MOSMO: variants seen among roughly 807,000 people sequenced by gnomAD.
MOSMO encodes the protein modulator of smoothened.
A neutral mutation model predicts 18.4 loss-of-function variants in MOSMO; 5 were observed. That is an observed-to-expected ratio of 0.27 (90% CI 0.14 to 0.57). MOSMO has a LOEUF of 0.57. MOSMO is among the 20% of genes least tolerant of loss of function. The pLI is 0.92. For missense variants in MOSMO, 138 were observed against 211.8 expected, an observed-to-expected ratio of 0.65 and a Z score of 2.16; for synonymous variants, 82 against 82.3, an observed-to-expected ratio of 1.00 and a Z score of 0.02.
At chr16:22,089,867 C>A (rs955773544), downstream of MOSMO, among the ~76,000 whole-genome samples, 5 of 151,928 alleles carry the variant, frequency 3.3e-5, no homozygotes, top group Non-Finnish European at 7.4e-5. Flanking sequence ...GTTTCTACTC[C>A]CTCTGATTTT....
At chr16:22,035,661 C>T (rs1900093418) in intron 1 of MOSMO, among the ~76,000 whole-genome samples, 1 of 152,130 alleles carries the variant, frequency 6.6e-6, no homozygotes, top group Non-Finnish European at 1.5e-5. Flanking sequence ...TCCAATTTTG[C>T]AGGCAGCGGT....
At chr16:22,070,804 G>A (rs908079463) in intron 1 of MOSMO, among the ~76,000 whole-genome samples, 7 of 152,134 alleles carry the variant, frequency 4.6e-5, no homozygotes, top group Non-Finnish European at 4.4e-5. Context: ...TTACCCGTAG[G>A]CTGTTGTTTT....
chr16:22,035,660 GC>G (rs1349261075), intron 1 of MOSMO, among the ~76,000 whole-genome samples: 1 of 152,038 alleles, frequency 6.6e-6, no homozygotes, highest in African/African-American at 2.4e-5. Context: ...TTCCAATTTT[GC>G]AGGCAGCGGT....
rs571538010 is a variant in MOSMO at position 22,084,026 on chromosome 16, T to G, written c.*3146T>G. 7.9e-5 allele frequency: 18 copies of G among 227,608 alleles called. No individual in the cohort carries two copies. In the South Asian group the frequency reaches 1.1e-3, roughly 13 times the overall value. The allele number at this position is 227,608 out of a possible 1,614,324, so 14.1% of individuals were successfully genotyped here. On this transcript the variant is annotated 3_prime_UTR_variant, in exon 3 of 3. Transcript: ENST00000542527. ...ACCAAAACACTATTGGTTTTTACCC[T>G]TTTGCCTAAAGCTTTGATATCCCCA... is the stretch of plus-strand genomic sequence containing the variant.
chr16:22,011,932 T>A (rs1401743960), intron 1 of MOSMO, among the ~76,000 whole-genome samples: 1 of 120,540 alleles, frequency 8.3e-6, no homozygotes, highest in African/African-American at 3.1e-5. Context: ...AGTCCTGAGT[T>A]AAAAAAAAAA....
intron 1 of MOSMO, among the ~76,000 whole-genome samples, chr16:22,011,932 T>TAAAA (rs535652740): frequency 7.5e-5 from 9 of 120,538 alleles, no homozygotes; most frequent in South Asian, 2.8e-4. Context: ...AGTCCTGAGT[T>TAAAA]AAAAAAAAAA....
chr16:22,089,215 G>T (rs1040349292), downstream of MOSMO, among the ~76,000 whole-genome samples: 1 of 151,990 alleles, frequency 6.6e-6, no homozygotes, highest in East Asian at 1.9e-4. Context: ...CCACAGGCAC[G>T]CACCACCATT....
intron 1 of MOSMO, among the ~76,000 whole-genome samples, chr16:22,051,925 G>A (rs1900435127): frequency 6.6e-6 from 1 of 152,108 alleles, no homozygotes; most frequent in African/African-American, 2.4e-5. Context: ...GAAACCCCAC[G>A]CATTTGGTCA....
rs115158625 is a variant in MOSMO, at chr16:22,078,623, A to T, written c.320-2073A>T. Among the ~76,000 whole-genome samples the T allele has an allele frequency of 3.3e-3, 503 of 152,348 alleles. 5 individuals carry two copies. Among genetic ancestry groups the T allele is most frequent in the African/African-American group, 0.012 (481 of 41,580 alleles). ...ACAAATTTAACATCTGCATATTCCTAAAGTACTTTTCTAAATTACTTGTTT... is the reference window on the plus strand; with the variant it reads ...ACAAATTTAACATCTGCATATTCCTTAAGTACTTTTCTAAATTACTTGTTT... On this transcript the variant is annotated intron_variant, in intron 2 of 2. Transcript: ENST00000542527.
Position 22,064,425 on chromosome 16 carries a change from T to A in MOSMO, c.107-11062T>A, listed in dbSNP as rs1038673319. 9 of 456,352 alleles carry A rather than the reference T, an allele frequency of 2.0e-5. No homozygotes were observed. In the Admixed American group the frequency reaches 2.1e-4, roughly 11 times the overall value. The allele number at this position is 456,352 out of a possible 1,614,324, so 28.3% of individuals were successfully genotyped here. A position where few individuals can be genotyped will look rare whatever the true frequency, so the allele number is the denominator to read the frequency against. The stretch of plus-strand genomic sequence containing the variant: ...AAATGGGTTACTTCTGCCAGATTAA[T>A]CTGGGAAGAAACAGTAAGTATCCTT... On this transcript the variant is annotated intron_variant, in intron 1 of 2. Transcript: ENST00000542527.
intron 1 of MOSMO, among the ~76,000 whole-genome samples, chr16:22,032,467 C>G (rs1900015909): frequency 6.6e-6 from 1 of 152,180 alleles, no homozygotes; most frequent in South Asian, 2.1e-4. Flanking sequence ...GCTGGAATTA[C>G]AGGCATGAGC....
At chr16:22,057,878 CA>C (rs1287571442) in intron 1 of MOSMO, among the ~76,000 whole-genome samples, 4 of 151,922 alleles carry the variant, frequency 2.6e-5, no homozygotes. Flanking sequence ...GTTCTGCCAG[CA>C]AAAAGAATAA....
In MOSMO at chr16:22,083,667, T is replaced by A; in HGVS notation, c.*2787T>A. ...TTTGTCAAACTTTTGTCTGTTTCAT[T>A]GTTTTTAGAGTGTGTGCATTCTTCT... On this transcript the variant is annotated 3_prime_UTR_variant, in exon 3 of 3. Coordinates refer to ENST00000542527, the MANE Select transcript of MOSMO (RefSeq NM_001164579.2). The A allele has an allele frequency of 2.2e-6, 1 of 453,862 alleles. No homozygotes were observed. Among genetic ancestry groups the A allele is most frequent in the Non-Finnish European group, 4.4e-6 (1 of 226,214 alleles). The allele number at this position is 453,862 out of a possible 1,614,324, so 28.1% of individuals were successfully genotyped here. A position where few individuals can be genotyped will look rare whatever the true frequency, so the allele number is the denominator to read the frequency against.
chr16:22,062,757 C>A (rs1308393310), intron 1 of MOSMO, among the ~76,000 whole-genome samples: 2 of 152,188 alleles, frequency 1.3e-5, no homozygotes, highest in Admixed American at 6.5e-5. Context: ...ACACACAATA[C>A]TGGGAGGTCA....
At chr16:22,080,459 A>G (rs549472034) in intron 2 of MOSMO, among the ~76,000 whole-genome samples, 1 of 152,280 alleles carries the variant, frequency 6.6e-6, no homozygotes, top group South Asian at 2.1e-4. Context: ...GGACTTTCTT[A>G]ATCCTGATAT....
At chr16:22,043,847 C>T (rs1048972747) in intron 1 of MOSMO, among the ~76,000 whole-genome samples, 26 of 152,016 alleles carry the variant, frequency 1.7e-4, no homozygotes, top group African/African-American at 4.8e-4. Context: ...TGTATTAGTC[C>T]GTTTTCATGC....
intron 1 of MOSMO, among the ~76,000 whole-genome samples, chr16:22,012,189 G>T (rs1414405152): frequency 6.6e-6 from 1 of 152,114 alleles, no homozygotes; most frequent in Non-Finnish European, 1.5e-5. Flanking sequence ...AGAACTTTTG[G>T]AGCTGAAATA....
downstream of MOSMO, among the ~76,000 whole-genome samples, chr16:22,089,677 A>G (rs1901258342): frequency 6.9e-6 from 1 of 145,556 alleles, no homozygotes; most frequent in African/African-American, 2.6e-5. Context: ...CTGCTGAGAC[A>G]TCAGTTGTCC....
At chr16:22,027,809 C>G (rs781164640) in intron 1 of MOSMO, among the ~76,000 whole-genome samples, 1 of 152,148 alleles carries the variant, frequency 6.6e-6, no homozygotes, top group African/African-American at 2.4e-5. Context: ...ATTTCTCATT[C>G]GTTTCCTGCC....
Sources: allele counts gnomAD v4.1 joint callset (sites outside exome capture counted in the v4.1 genomes callset), GRCh38; gene constraint gnomAD v4.1.1; transcripts MANE v1.5; gene names NCBI Gene and HGNC (gene_info 2026-07-23, HGNC 2026-07-21).